Variants in RNASET2 observed in about 807,000 individuals in gnomAD.
RNASET2 encodes ribonuclease T2.
RNASET2 carries 28 observed loss-of-function variants against 33.9 expected under a neutral mutation model. The observed-to-expected ratio is 0.83, with a 90% CI of 0.61 to 1.13. The LOEUF is 1.13. Ranked by LOEUF, RNASET2 falls within the 50% of genes most tolerant of loss-of-function variation. The pLI, the probability that RNASET2 is intolerant of heterozygous loss-of-function variation, is 0.00. For missense variants in RNASET2, 330 were observed against 319.9 expected (o/e 1.03, Z -0.24); for synonymous variants, 123 against 121.0 (o/e 1.02, Z -0.11).
intron 7 of RNASET2, chr6:166,931,786 T>A (rs1778449374): frequency 6.4e-6 from 1 of 155,546 alleles, no homozygotes; most frequent in Non-Finnish European, 1.4e-5. Flanking sequence ...CAAGCTGGGG[T>A]CACCAGCTCC....
intron 8 of RNASET2, 46 bp downstream of exon 8, chr6:166,930,998 C>A: frequency 7.5e-7 from 1 of 1,335,952 alleles, no homozygotes; most frequent in East Asian, 2.3e-5. Flanking sequence ...AAAAGTAGAA[C>A]CTGTCTTCTT....
intron 2 of RNASET2, 146 bp downstream of exon 2, chr6:166,952,342 G>A: frequency 1.3e-6 from 1 of 744,570 alleles, no homozygotes; most frequent in Non-Finnish European, 2.4e-6. Context: ...CCTGGAGGCA[G>A]TCTCTGCAGG....
chr6:166,947,628 G>A (rs1726275561), intron 3 of RNASET2, among the ~76,000 whole-genome samples: 1 of 152,186 alleles, frequency 6.6e-6, no homozygotes, highest in Non-Finnish European at 1.5e-5. Flanking sequence ...CCAGAGACAG[G>A]AGGTCAAGGT....
In RNASET2 at chr6:166,927,693, C is replaced by T. The variant is rs564910010; in HGVS notation, c.*1895G>A. ...TGAAGATAAAACCCAAGCCTTGATC[C>T]CTGTGTTCGCAAAATGACTCAAAAA... On this transcript the variant is annotated 3_prime_UTR_variant, in exon 9 of 9. Coordinates refer to ENST00000508775, the MANE Select transcript of RNASET2 (RefSeq NM_003730.6). Among the ~76,000 whole-genome samples the T allele has an allele frequency of 2.5e-4, 35 of 137,994 alleles. No individual in the cohort carries two copies. Among genetic ancestry groups the T allele is most frequent in the African/African-American group, 1.1e-3 (35 of 33,254 alleles). The allele number at this position is 137,994 out of a possible 152,430, so 90.5% of individuals were successfully genotyped here. A position where few individuals can be genotyped will look rare whatever the true frequency, so the allele number is the denominator to read the frequency against.
intron 1 of RNASET2, among the ~76,000 whole-genome samples, chr6:166,954,304 G>A (rs984143576): frequency 7.2e-5 from 11 of 152,338 alleles, no homozygotes; most frequent in Admixed American, 4.6e-4. Flanking sequence ...AAGTTTGTCC[G>A]ATCATATCAG....
intron 1 of RNASET2, chr6:166,952,890 G>A (rs933061593): frequency 6.9e-5 from 23 of 331,014 alleles, no homozygotes; most frequent in African/African-American, 4.7e-4. Context: ...TTTCTCCTAA[G>A]GATGCTCAAG....
intron 1 of RNASET2, chr6:166,952,883 C>T (rs1583236443): frequency 2.9e-6 from 1 of 344,334 alleles, no homozygotes; most frequent in Non-Finnish European, 5.6e-6. Flanking sequence ...AAGCACCTTT[C>T]TCCTAAGGAT....
chr6:166,930,568 TGCACACACATGC>T, intron 8 of RNASET2, among the ~76,000 whole-genome samples: 1 of 139,984 alleles, frequency 7.1e-6, no homozygotes, highest in East Asian at 2.2e-4. Flanking sequence ...ACAGAGAACA[TGCACACACATGC>T]ACACACACAG....
chr6:166,952,368 G>T (rs569114680), intron 2 of RNASET2, 120 bp downstream of exon 2: 2 of 884,410 alleles, frequency 2.3e-6, no homozygotes, highest in Non-Finnish European at 3.9e-6. Context: ...CCGCCCACCC[G>T]CCAGAGCGAT....
In RNASET2 at chr6:166,956,236, C is replaced by G; in HGVS notation, c.-54G>C. The G allele has an allele frequency of 6.9e-7, 1 of 1,452,576 alleles. No homozygotes were observed. The highest frequency in any genetic ancestry group is 1.2e-5 in the South Asian group (1 of 82,070). The allele number at this position is 1,452,576 out of a possible 1,614,324, so 90.0% of individuals were successfully genotyped here. A position where few individuals can be genotyped will look rare whatever the true frequency, so the allele number is the denominator to read the frequency against. ...AGCTGCCGCTCCGGCTCCCACTTCC[C>G]ACCTGCTGCCCGAGGAAGACTTCCG... On this transcript the variant is annotated 5_prime_UTR_variant, in exon 1 of 9. Transcript: ENST00000508775.
intron 1 of RNASET2, among the ~76,000 whole-genome samples, chr6:166,954,603 C>A (rs1429700097): frequency 1.3e-5 from 2 of 152,174 alleles, no homozygotes; most frequent in Admixed American, 6.5e-5. Flanking sequence ...AACCTCATGG[C>A]CAATAAATAA....
intron 1 of RNASET2, chr6:166,953,402 G>GAT (rs1400389083): frequency 1.3e-5 from 2 of 152,222 alleles, no homozygotes; most frequent in Middle Eastern, 3.2e-3. Context: ...AGCAACACAG[G>GAT]ATATAAGTCA....
intron 5 of RNASET2, among the ~76,000 whole-genome samples, chr6:166,940,993 G>A (rs1196068511): frequency 1.3e-5 from 2 of 152,214 alleles, no homozygotes; most frequent in Non-Finnish European, 2.9e-5. Flanking sequence ...AGGAGCAGAG[G>A]TGGAGAAGCC....
At chr6:166,932,912 T>C (rs948216476) in intron 7 of RNASET2, 3 of 151,780 alleles carry the variant, frequency 2.0e-5, no homozygotes, top group Non-Finnish European at 4.4e-5. Context: ...GGGGTTGGGG[T>C]TGAGGGGGAG....
chr6:166,937,199 C>T (rs1040443271), intron 6 of RNASET2, among the ~76,000 whole-genome samples: 4 of 152,108 alleles, frequency 2.6e-5, no homozygotes, highest in Non-Finnish European at 2.9e-5. Flanking sequence ...TGCAATGGCA[C>T]GATCTCAGCT....
intron 2 of RNASET2, among the ~76,000 whole-genome samples, chr6:166,949,870 G>A (rs1201656013): frequency 6.6e-6 from 1 of 152,220 alleles, no homozygotes; most frequent in African/African-American, 2.4e-5. Flanking sequence ...CAGGCAGACT[G>A]AGCATCTTTG....
chr6:166,955,656 A>AG, intron 1 of RNASET2: 3 of 1,015,696 alleles, frequency 3.0e-6, no homozygotes, highest in Non-Finnish European at 3.5e-6. Flanking sequence ...GTCCAGCTCC[A>AG]GGCTGGAGTG....
rs1201038543 is a variant in RNASET2 at position 166,926,407 on chromosome 6, G to A, written c.*3181C>T. 6.6e-5 allele frequency among the ~76,000 whole-genome samples: 10 copies of A among 151,620 alleles called. No individual in the cohort carries two copies. Among genetic ancestry groups the A allele is most frequent in the East Asian group, 3.9e-4 (2 of 5,130 alleles). ...ACAAAAAATAGCCGGGCATGGTGGC[G>A]TGCCTAGTCCCAGCTACTCGGGAGG... On this transcript the variant is annotated 3_prime_UTR_variant, in exon 9 of 9. Transcript: ENST00000508775.
At chr6:166,942,986 T>TAATCAAGACAGC in intron 5 of RNASET2, 33 bp downstream of exon 5, 1 of 1,580,462 alleles carries the variant, frequency 6.3e-7, no homozygotes, top group Non-Finnish European at 8.7e-7. Flanking sequence ...GCTCAGACAG[T>TAATCAAGACAGC]AATCAAGACA....
Sources: gnomAD v4.1 joint callset for allele counts (sites outside exome capture counted in the v4.1 genomes callset) on GRCh38, gnomAD v4.1.1 for gene constraint, MANE v1.5 for transcripts, NCBI Gene and HGNC (gene_info 2026-07-23, HGNC 2026-07-21) for gene names.